PPEF2: variants seen among roughly 807,000 people sequenced by gnomAD.
PPEF2 encodes the protein protein phosphatase with EF-hand domain 2, also known as serine/threonine-protein phosphatase with EF-hands 2.
A neutral mutation model predicts 84.7 loss-of-function variants in PPEF2; 84 were observed. That is an observed-to-expected ratio of 0.99 (90% CI 0.83 to 1.19). The LOEUF (loss-of-function observed/expected upper bound fraction) is 1.19, where lower values mean the gene tolerates loss of function less well. Ranked by LOEUF, PPEF2 falls within the 50% of genes most tolerant of loss-of-function variation. The probability of loss-of-function intolerance (pLI) is 0.00; values close to 1 mark genes in which losing one functional copy is unlikely to be tolerated. For missense variants in PPEF2, 924 were observed against 937.5 expected, an observed-to-expected ratio of 0.99 and a Z score of 0.19; for synonymous variants, 346 against 345.2, an observed-to-expected ratio of 1.00 and a Z score of -0.03.
At chr4:75,872,589 T>A (rs1161436395) in intron 12 of PPEF2, among the ~76,000 whole-genome samples, 1 of 152,164 alleles carries the variant, frequency 6.6e-6, no homozygotes, top group African/African-American at 2.4e-5. Flanking sequence ...AGATGGTGTA[T>A]GAAAAAAGTT....
intron 1 of PPEF2, among the ~76,000 whole-genome samples, chr4:75,898,088 TGCA>T (rs1725048081): frequency 1.3e-5 from 2 of 152,258 alleles, no homozygotes; most frequent in African/African-American, 4.8e-5. Context: ...GCTAGTTAAC[TGCA>T]GCAGGAGCAT....
intron 10 of PPEF2, among the ~76,000 whole-genome samples, chr4:75,880,457 A>G (rs1454437405): frequency 2.0e-5 from 3 of 152,204 alleles, no homozygotes; most frequent in Admixed American, 2.0e-4. Flanking sequence ...GAGCTTTGCA[A>G]ACCAAACATT....
At chr4:75,885,032 T>A (rs1428363872) in intron 7 of PPEF2, among the ~76,000 whole-genome samples, 1 of 152,158 alleles carries the variant, frequency 6.6e-6, no homozygotes, top group East Asian at 1.9e-4. Context: ...AAACTTGTGA[T>A]CCAAAGGCCA....
At chr4:75,878,599 T>C (rs1244752995) in intron 10 of PPEF2, among the ~76,000 whole-genome samples, 1 of 152,176 alleles carries the variant, frequency 6.6e-6, no homozygotes, top group African/African-American at 2.4e-5. Context: ...GTGAAGAGAA[T>C]AGAACAGAGC....
intron 2 of PPEF2, among the ~76,000 whole-genome samples, chr4:75,895,118 A>C (rs990317572): frequency 7.2e-6 from 1 of 139,282 alleles, no homozygotes; most frequent in Non-Finnish European, 1.5e-5. Flanking sequence ...CACCACACCC[A>C]GCTAATTAAT....
rs529227291 is a variant in PPEF2 at position 75,867,299 on chromosome 4, T to G, written c.1756+14A>C. 11 of 1,595,080 alleles carry G rather than the reference T, an allele frequency of 6.9e-6. No homozygotes were observed. The Admixed American group carries it at 1.8e-4, about 27-fold the overall frequency. On this transcript the variant is annotated intron_variant, in intron 14 of 16. Coordinates refer to ENST00000286719, the MANE Select transcript of PPEF2 (RefSeq NM_006239.3). ...CTTCCTTCCTCTGTGAATCTTTAAC[T>G]TGATCATTCTTACCGACTTTATCTG...
At chr4:75,871,999 G>GA in intron 13 of PPEF2, 26 bp downstream of exon 13, 1 of 1,546,322 alleles carries the variant, frequency 6.5e-7, no homozygotes, top group Non-Finnish European at 8.7e-7. Context: ...TTTTTTTTCT[G>GA]AAAATCACTC....
In PPEF2 at chr4:75,873,113, G is replaced by A. The variant is rs754690352; in HGVS notation, c.1506+14C>T. 2 of 1,609,364 alleles carry A rather than the reference G, an allele frequency of 1.2e-6. No homozygotes were observed. Among genetic ancestry groups the A allele is most frequent in the Non-Finnish European group, 1.7e-6 (2 of 1,176,578 alleles). On this transcript the variant is annotated intron_variant, in intron 12 of 16. Transcript: ENST00000286719. ...TGACACACAAGCCTGTACTGCTGCA[G>A]AGGGAGCACCCACCTTGCGGTTGTG... is the stretch of plus-strand genomic sequence containing the variant.
chr4:75,885,296 C>T (rs1043993753), intron 7 of PPEF2, among the ~76,000 whole-genome samples: 1 of 151,948 alleles, frequency 6.6e-6, no homozygotes, highest in Non-Finnish European at 1.5e-5. Context: ...GAAAGAAAAT[C>T]AATTGCTAAA....
chr4:75,873,193 G>T lies in PPEF2; in HGVS notation c.1440C>A (p.Asn480Lys), dbSNP rs1019921568. 1.9e-6 allele frequency: 3 copies of T among 1,613,978 alleles called. No homozygotes were observed. Among genetic ancestry groups the T allele is most frequent in the Non-Finnish European group, 2.5e-6 (3 of 1,179,952 alleles). Residue 480 changes from asparagine to lysine, a missense_variant, in exon 12 of 17, where the codon AAC becomes AAA. Physicochemically the swap from Asn to Lys is moderately conservative, Grantham distance 94. Coordinates refer to ENST00000286719, the MANE Select transcript of PPEF2 (RefSeq NM_006239.3). The part of the protein sequence containing the change: ...DVTQQLLQKY[N>K]MQFLIRSHEC... ...CATGTGAACGGATCAGGAATTGCAT[G>T]TTGTATTTTTGTAGCAACTGTTGTG...
chr4:75,898,618 A>T (rs1280683323), intron 1 of PPEF2, among the ~76,000 whole-genome samples: 1 of 152,224 alleles, frequency 6.6e-6, no homozygotes, highest in Admixed American at 6.5e-5. Flanking sequence ...CCTTCAGAGA[A>T]AGACTGTAAG....
In PPEF2 at chr4:75,896,858, C is replaced by T. The variant is rs189479630; in HGVS notation, c.-58-475G>A. 8.4e-3 allele frequency among the ~76,000 whole-genome samples: 556 copies of T among 66,076 alleles called. 3 individuals carry two copies. Among genetic ancestry groups the T allele is most frequent in the Non-Finnish European group, 0.011 (279 of 25,300 alleles). The allele number at this position is 66,076 out of a possible 152,430, so 43.3% of individuals were successfully genotyped here. A position where few individuals can be genotyped will look rare whatever the true frequency, so the allele number is the denominator to read the frequency against. ...TTGCCAGAACAGCAAGGCCATCTGT[C>T]TCCATAGGCCACACCTTTCTTTCTT... On this transcript the variant is annotated intron_variant, in intron 1 of 16. Coordinates refer to ENST00000286719, the MANE Select transcript of PPEF2 (RefSeq NM_006239.3).
intron 7 of PPEF2, 46 bp from the exon 8 acceptor site, chr4:75,884,806 A>T (rs775833247): frequency 1.4e-5 from 20 of 1,476,406 alleles, no homozygotes; most frequent in Non-Finnish European, 1.7e-5. Context: ...GAGGAAGGAA[A>T]TAGGAAATCA....
rs140458344 is a variant in PPEF2, at chr4:75,863,942, G to A, written c.2008+498C>T. Among the ~76,000 whole-genome samples the A allele has an allele frequency of 8.0e-4, 121 of 150,566 alleles. 1 individual carries two copies. Among genetic ancestry groups the A allele is most frequent in the African/African-American group, 2.8e-3 (114 of 40,986 alleles). On this transcript the variant is annotated intron_variant, in intron 16 of 16. Transcript: ENST00000286719. ...GGCTGGAGTCCAGTGGCACGACCTC[G>A]GCTCACTGCAACCTCCGCCTCCCGG...
intron 13 of PPEF2, among the ~76,000 whole-genome samples, chr4:75,869,884 A>T (rs1724228095): frequency 6.6e-6 from 1 of 151,574 alleles, no homozygotes; most frequent in African/African-American, 2.4e-5. Flanking sequence ...AAAAACAAGG[A>T]TGTTATCTTC....
intron 11 of PPEF2, among the ~76,000 whole-genome samples, chr4:75,875,650 A>C (rs1013660557): frequency 1.3e-5 from 2 of 152,024 alleles, no homozygotes; most frequent in African/African-American, 4.8e-5. Flanking sequence ...CACAATAATC[A>C]TCTCCCACCT....
At position 75,890,101 on chromosome 4, in the gene PPEF2, G is replaced by A; in HGVS notation, c.273C>T (p.Asp91=). Reference sequence around the variant, plus strand: ...TCATCTCGGAGTCCTGGGCGAATCTGTCCTCAGTGAATATGCGGGTCAGGA... The same window carrying A: ...TCATCTCGGAGTCCTGGGCGAATCTATCCTCAGTGAATATGCGGGTCAGGA... ...RDFLTRIFTE[D]RFAQDSEMKK... is the part of the protein sequence containing the mutation. Residue 91 remains aspartate (D), a synonymous_variant, in exon 5 of 17, where the codon GAC becomes GAT. Transcript: ENST00000286719. 1 of 1,614,112 alleles carries A rather than the reference G, an allele frequency of 6.2e-7. No individual in the cohort carries two copies. Among genetic ancestry groups the A allele is most frequent in the Non-Finnish European group, 8.5e-7 (1 of 1,180,018 alleles).
rs143649959 is a variant in PPEF2 at position 75,873,131 on chromosome 4, C to A, written c.1502G>T (p.Arg501Leu). 3.1e-6 allele frequency: 5 copies of A among 1,612,666 alleles called. No individual in the cohort carries two copies. The South Asian group carries it at 4.4e-5, about 14-fold the overall frequency. The change falls in exon 12 of 17, where the codon CGC becomes CTC. Residue 501 changes from arginine to leucine, a missense_variant. Coordinates refer to ENST00000286719, the MANE Select transcript of PPEF2 (RefSeq NM_006239.3). ...TGCTGCAGAGGGAGCACCCACCTTG[C>A]GGTTGTGACAGAATTCATAGCCTTC... is the stretch of plus-strand genomic sequence containing the variant. ...KPEGYEFCHN[R>L]KVLTIFSASN...
chr4:75,873,273 C>A lies in PPEF2; in HGVS notation c.1360G>T (p.Gly454Cys), dbSNP rs1724328994. 6.2e-7 allele frequency: 1 copy of A among 1,614,020 alleles called. No individual in the cohort carries two copies. The highest frequency in any genetic ancestry group is 1.3e-5 in the African/African-American group (1 of 74,970). The change falls in exon 12 of 17, where the codon GGC becomes TGC. Residue 454 changes from glycine (G) to cysteine (C), a missense_variant. Physicochemically the swap from Gly to Cys is radical, Grantham distance 159. Coordinates refer to ENST00000286719, the MANE Select transcript of PPEF2 (RefSeq NM_006239.3). Reference protein sequence around the residue: ...ILWSDPMAQEGCKANTIRGGG... With the variant: ...ILWSDPMAQECCKANTIRGGG... Reference sequence around the variant, plus strand: ...CCTCGAATAGTGTTGGCCTTGCAGCCCTCTTGAGCCATGGGATCACTCCAC... The same window carrying A: ...CCTCGAATAGTGTTGGCCTTGCAGCACTCTTGAGCCATGGGATCACTCCAC...
Sources: gnomAD v4.1 joint callset for allele counts (sites outside exome capture counted in the v4.1 genomes callset) on GRCh38, gnomAD v4.1.1 for gene constraint, MANE v1.5 for transcripts, NCBI Gene and HGNC (gene_info 2026-07-23, HGNC 2026-07-21) for gene names.